Variants in TSPAN32 observed in about 807,000 individuals in gnomAD.
TSPAN32 encodes the protein tetraspanin-32.
A neutral mutation model predicts 42.7 loss-of-function variants in TSPAN32; 47 were observed. The ratio of observed to expected loss-of-function variants is 1.10; its 90% CI spans 0.87 to 1.40. The LOEUF (loss-of-function observed/expected upper bound fraction) is 1.40, where lower values mean the gene tolerates loss of function less well. TSPAN32 is among the 40% of genes most tolerant of loss of function. The pLI, the probability that TSPAN32 is intolerant of heterozygous loss-of-function variation, is 0.00. For missense variants in TSPAN32, 469 were observed against 424.1 expected (o/e 1.11, Z -0.93); for synonymous variants, 175 against 175.9 (o/e 0.99, Z 0.04).
intron 4 of TSPAN32, among the ~76,000 whole-genome samples, chr11:2,311,582 A>G (rs1394910621): frequency 2.0e-5 from 3 of 151,934 alleles, no homozygotes; most frequent in Non-Finnish European, 2.9e-5. Context: ...CCAGCTCTGT[A>G]CCTGTGGGGC....
In TSPAN32 at chr11:2,302,939, C is replaced by T. The variant is rs750896014; in HGVS notation, c.162C>T (p.Tyr54=). 1 of 1,613,540 alleles carries T rather than the reference C, an allele frequency of 6.2e-7. No homozygotes were observed. The highest frequency in any genetic ancestry group is 2.2e-5 in the East Asian group (1 of 44,870). The stretch of plus-strand genomic sequence containing the variant: ...GAGCGTCCCTGGAGAAGAACCCGTA[C>T]CAGGCTGTGCACCAATGGGGTAAGT... ...IRRASLEKNP[Y]QAVHQWAFSA... is the part of the protein sequence containing the mutation. The change falls in exon 2 of 10, where the codon TAC becomes TAT. Residue 54 remains tyrosine (Y), a synonymous_variant. Coordinates refer to ENST00000182290, the MANE Select transcript of TSPAN32 (RefSeq NM_139022.3).
intron 3 of TSPAN32, 71 bp from the exon 4 acceptor site, chr11:2,308,646 GCCCGCCCACAGTGACCGGC>G (rs1848271939): frequency 9.4e-6 from 1 of 106,470 alleles, no homozygotes; most frequent in Non-Finnish European, 1.9e-5. Flanking sequence ...ACAGTGACTG[GCCCGCCCACAGTGACCGGC>G]CCCCCCCAGC....
chr11:2,311,129 G>A (rs901466349), intron 4 of TSPAN32, among the ~76,000 whole-genome samples: 2 of 152,186 alleles, frequency 1.3e-5, no homozygotes, highest in African/African-American at 4.8e-5. Flanking sequence ...TGAACACAGG[G>A]TCAGGGTGAC....
chr11:2,308,841 G>T, intron 4 of TSPAN32, 31 bp downstream of exon 4: 7 of 1,468,102 alleles, frequency 4.8e-6, no homozygotes, highest in Non-Finnish European at 6.5e-6. Flanking sequence ...CCCTGCAGTG[G>T]AGGGTCCCCC....
chr11:2,312,017 G>T (rs1215797840), intron 4 of TSPAN32, among the ~76,000 whole-genome samples: 1 of 152,114 alleles, frequency 6.6e-6, no homozygotes, highest in South Asian at 2.1e-4. Flanking sequence ...GAGCCAGGCA[G>T]GGCAGGAAGA....
chr11:2,311,380 C>T (rs1018424652), intron 4 of TSPAN32, among the ~76,000 whole-genome samples: 3 of 152,174 alleles, frequency 2.0e-5, no homozygotes, highest in Admixed American at 6.5e-5. Context: ...CTATTAATTA[C>T]GTTCTCCTCG....
In TSPAN32 at chr11:2,312,667, A is replaced by C. The variant is rs534921795; in HGVS notation, c.355-987A>C. ...TGCCACGGGGGCTGGGCCCCAGTGC[A>C]ATGAGGACCGCCGTAAGCCACCCTT... On this transcript the variant is annotated intron_variant, in intron 4 of 9. Transcript: ENST00000182290. Among the ~76,000 whole-genome samples, 307 of 152,264 alleles carry C rather than the reference A, an allele frequency of 2.0e-3. 1 individual carries two copies. Among genetic ancestry groups the C allele is most frequent in the African/African-American group, 6.6e-3 (273 of 41,562 alleles).
At chr11:2,316,112 C>T in intron 6 of TSPAN32, 117 bp from the exon 7 acceptor site, 1 of 1,524,564 alleles carries the variant, frequency 6.6e-7, no homozygotes, top group Middle Eastern at 1.7e-4. Context: ...CACCCGCCGC[C>T]CTGCTGCCCT....
At chr11:2,305,167 A>G (rs1848002105) in intron 3 of TSPAN32, among the ~76,000 whole-genome samples, 2 of 152,388 alleles carry the variant, frequency 1.3e-5, no homozygotes, top group South Asian at 4.1e-4. Context: ...GAATAGGAAT[A>G]GAGTCACCTC....
chr11:2,315,739 C>A, intron 6 of TSPAN32: 2 of 1,228,000 alleles, frequency 1.6e-6, no homozygotes, highest in Non-Finnish European at 2.1e-6. Flanking sequence ...CTCTGGGTGC[C>A]ATGCCCTGGG....
intron 6 of TSPAN32, 198 bp from the exon 7 acceptor site, chr11:2,316,031 C>G (rs951110816): frequency 1.8e-5 from 27 of 1,534,308 alleles, no homozygotes; most frequent in Non-Finnish European, 2.3e-5. Flanking sequence ...GAGGCCAGCC[C>G]TGTCCCACTG....
intron 6 of TSPAN32, chr11:2,314,955 G>T (rs1052761019): frequency 3.2e-6 from 1 of 313,520 alleles, no homozygotes; most frequent in Admixed American, 4.7e-5. Flanking sequence ...GGGCTGGTGT[G>T]GTGGGCTCTG....
intron 1 of TSPAN32, chr11:2,302,638 T>C (rs1219448372): frequency 3.4e-6 from 2 of 592,352 alleles, no homozygotes; most frequent in Non-Finnish European, 6.0e-6. Flanking sequence ...GCGTCTACCA[T>C]GTGGGGGTGC....
intron 6 of TSPAN32, chr11:2,315,871 G>T (rs1432902734): frequency 1.4e-6 from 2 of 1,410,300 alleles, no homozygotes; most frequent in African/African-American, 2.9e-5. Flanking sequence ...TCACCAAGGT[G>T]CTGTGCCCGG....
At chr11:2,316,955 C>T (rs1309414398) in intron 8 of TSPAN32, among the ~76,000 whole-genome samples, 1 of 152,072 alleles carries the variant, frequency 6.6e-6, no homozygotes, top group African/African-American at 2.4e-5. Context: ...AGGTTATAGC[C>T]CCAGGCCAGG....
chr11:2,318,018 T>C lies in TSPAN32; in HGVS notation c.*94T>C. 1.5e-6 allele frequency: 1 copy of C among 676,220 alleles called. No homozygotes were observed. The highest frequency in any genetic ancestry group is 2.5e-5 in the Admixed American group (1 of 40,202). 41.9% of individuals were successfully genotyped at this position (676,220 alleles called of 1,614,324 possible). ...AGGCTGTTGACAAGTCAACTCCTCA[T>C]GGCTGTAGGACTGAGGTTCCCAAGT... On this transcript the variant is annotated 3_prime_UTR_variant, in exon 10 of 10. Coordinates refer to ENST00000182290, the MANE Select transcript of TSPAN32 (RefSeq NM_139022.3). This position sits in a 1 kb window ranked among gnomAD's most constrained non-coding sequence, Gnocchi z 4.2.
chr11:2,303,187 G>A (rs753455945), intron 2 of TSPAN32: 21 of 554,138 alleles, frequency 3.8e-5, no homozygotes, highest in African/African-American at 7.6e-5. Context: ...CCACAGGAGC[G>A]TGGGCACAGT....
In TSPAN32 at chr11:2,313,560, A is replaced by T; in HGVS notation, c.355-94A>T. 1.0e-6 allele frequency: 1 copy of T among 973,358 alleles called. No homozygotes were observed. The highest frequency in any genetic ancestry group is 1.6e-6 in the Non-Finnish European group (1 of 644,702). 60.3% of individuals were successfully genotyped at this position (973,358 alleles called of 1,614,324 possible). On this transcript the variant is annotated intron_variant, in intron 4 of 9. Transcript: ENST00000182290. This position sits in a 1 kb window ranked among gnomAD's most constrained non-coding sequence, Gnocchi z 9.1. ...CAGTGCTGGGACGTCACTCAGCACT[A>T]AGGGCCCACTAGCGTTTGGGATGTC...
At position 2,304,866 on chromosome 11, in the gene TSPAN32, G is replaced by A. The variant is rs1038605922; in HGVS notation, c.279+662G>A. On this transcript the variant is annotated intron_variant, in intron 3 of 9. Coordinates refer to ENST00000182290, the MANE Select transcript of TSPAN32 (RefSeq NM_139022.3). This position sits in a 1 kb window ranked among gnomAD's most constrained non-coding sequence, Gnocchi z 4.8. ...CCCCACCTGGCGGCAGCCTCCCCAC[G>A]CCTGTCCTGCCCCTGCTAGGCCCAC... is the stretch of plus-strand genomic sequence containing the variant. Among the ~76,000 whole-genome samples the A allele has an allele frequency of 2.0e-5, 3 of 151,960 alleles. No individual in the cohort carries two copies. The highest frequency in any genetic ancestry group is 2.9e-5 in the Non-Finnish European group (2 of 67,988).
Sources: gnomAD v4.1 joint callset for allele counts (sites outside exome capture counted in the v4.1 genomes callset) on GRCh38, gnomAD v4.1.1 for gene constraint, Gnocchi (gnomAD v3.1) non-coding constraint, MANE v1.5 for transcripts, NCBI Gene and HGNC (gene_info 2026-07-23, HGNC 2026-07-21) for gene names.